Variants in SMAD3 observed in about 807,000 individuals in gnomAD.
The protein encoded by SMAD3 is SMAD family member 3.
SMAD3 carries 12 observed loss-of-function variants against 51.8 expected under a neutral mutation model. The observed-to-expected ratio is 0.23, with a 90% CI of 0.15 to 0.38. The LOEUF is 0.38. Ranked by LOEUF, SMAD3 falls within the 10% of genes least tolerant of loss-of-function variation. The probability of loss-of-function intolerance (pLI) is 1.00; values close to 1 mark genes in which losing one functional copy is unlikely to be tolerated. For missense variants in SMAD3, 294 were observed against 565.6 expected (o/e 0.52, Z 4.87); for synonymous variants, 238 against 227.7 (o/e 1.05, Z -0.41).
chr15:67,175,669 G>A (rs760623137), intron 5 of SMAD3, among the ~76,000 whole-genome samples: 1 of 152,166 alleles, frequency 6.6e-6, no homozygotes, highest in Non-Finnish European at 1.5e-5. Flanking sequence ...CGTGAGTCAG[G>A]GTTAGGATTC....
chr15:67,183,031 A>ATTTTTTTTTTTTTT (rs57749736), intron 6 of SMAD3, among the ~76,000 whole-genome samples: 12 of 29,702 alleles, frequency 4.0e-4, no homozygotes, highest in African/African-American at 1.8e-3. Context: ...ATATATATAT[A>ATTTTTTTTTTTTTT]TTTTTTTTTT....
intron 1 of SMAD3, among the ~76,000 whole-genome samples, chr15:67,157,210 C>T (rs952806597): frequency 6.6e-6 from 1 of 152,378 alleles, no homozygotes; most frequent in Non-Finnish European, 1.5e-5. Context: ...TAGGTTTCAA[C>T]TGAAGTGTGA....
chr15:67,129,452 G>T (rs2140251118), intron 1 of SMAD3, among the ~76,000 whole-genome samples: 1 of 152,034 alleles, frequency 6.6e-6, no homozygotes, highest in African/African-American at 2.4e-5. Context: ...TAACTTTTAT[G>T]ATAGTATATT....
intron 1 of SMAD3, among the ~76,000 whole-genome samples, chr15:67,104,416 C>T (rs1001614075): frequency 6.6e-6 from 1 of 152,204 alleles, no homozygotes; most frequent in African/African-American, 2.4e-5. Context: ...AAGGGCCTGC[C>T]CTCAGGCTGT....
chr15:67,092,126 G>A (rs1281846251), intron 1 of SMAD3, among the ~76,000 whole-genome samples: 1 of 152,158 alleles, frequency 6.6e-6, no homozygotes, highest in Non-Finnish European at 1.5e-5. Context: ...TGCTGTGAGA[G>A]CCTCCTATTA....
rs1963415170 is a variant in SMAD3 at position 67,193,391 on chromosome 15, C to A, written c.*2855C>A. The A allele has an allele frequency of 4.3e-6, 1 of 233,578 alleles. No homozygotes were observed. Among genetic ancestry groups the A allele is most frequent in the Non-Finnish European group, 8.5e-6 (1 of 118,064 alleles). 14.5% of individuals were successfully genotyped at this position (233,578 alleles called of 1,614,324 possible). On this transcript the variant is annotated 3_prime_UTR_variant, in exon 9 of 9. Transcript: ENST00000327367. The stretch of plus-strand genomic sequence containing the variant: ...GCACTGGGACACAGATCCTTGTCTT[C>A]AGCACCTTCCAAGGAGCCAACTTTT...
intron 5 of SMAD3, among the ~76,000 whole-genome samples, chr15:67,171,881 T>C (rs143847739): frequency 3.4e-4 from 52 of 152,304 alleles, no homozygotes; most frequent in Non-Finnish European, 7.2e-4. Context: ...ACTTGAGAAA[T>C]TAAAGGCCAT....
intron 1 of SMAD3, among the ~76,000 whole-genome samples, chr15:67,102,945 T>G (rs892105773): frequency 2.6e-5 from 4 of 152,200 alleles, no homozygotes; most frequent in African/African-American, 9.7e-5. Flanking sequence ...CCTAGACTCC[T>G]CTGTACCTTT....
chr15:67,137,918 C>A, intron 1 of SMAD3: 1 of 749,096 alleles, frequency 1.3e-6, no homozygotes, highest in Admixed American at 2.1e-5. Context: ...CTTCTGTTAG[C>A]GACAGAGAAA....
At chr15:67,182,909 A>G (rs972384598) in intron 6 of SMAD3, among the ~76,000 whole-genome samples, 9 of 147,130 alleles carry the variant, frequency 6.1e-5, no homozygotes, top group Admixed American at 1.4e-4. Context: ...GGCTCAAGCT[A>G]TCCTCCCATC....
intron 1 of SMAD3, among the ~76,000 whole-genome samples, chr15:67,122,130 C>T (rs537856331): frequency 6.6e-6 from 1 of 152,292 alleles, no homozygotes; most frequent in African/African-American, 2.4e-5. Flanking sequence ...GGACATATGT[C>T]CCCATTTTGT....
At chr15:67,148,777 C>T (rs776755653) in intron 1 of SMAD3, among the ~76,000 whole-genome samples, 10 of 152,234 alleles carry the variant, frequency 6.6e-5, no homozygotes, top group Admixed American at 3.9e-4. Flanking sequence ...TTATTTCCTA[C>T]GTCTTCTGAA....
At chr15:67,174,106 A>T (rs1463984992) in intron 5 of SMAD3, among the ~76,000 whole-genome samples, 1 of 152,174 alleles carries the variant, frequency 6.6e-6, no homozygotes, top group Non-Finnish European at 1.5e-5. Flanking sequence ...TGGTTGAATG[A>T]GTGTGGAAAG....
intron 1 of SMAD3, among the ~76,000 whole-genome samples, chr15:67,093,399 G>A (rs1960549537): frequency 6.6e-6 from 1 of 152,188 alleles, no homozygotes; most frequent in Non-Finnish European, 1.5e-5. Context: ...TCATTCCACT[G>A]CCAGTGCAGG....
In SMAD3 at chr15:67,175,084, C is replaced by T. The variant is rs879379381; in HGVS notation, c.658+4480C>T. On this transcript the variant is annotated intron_variant, in intron 5 of 8. Transcript: ENST00000327367. ...GGTGAGTCACCGGGAATTTCCTAGG[C>T]ATTTAAGGCGGAAGGATTGGGGTAA... Among the ~76,000 whole-genome samples the T allele has an allele frequency of 3.9e-5, 6 of 152,264 alleles. No homozygotes were observed. In the East Asian group the frequency reaches 1.2e-3, roughly 29 times the overall value.
chr15:67,133,292 A>G (rs542559980), intron 1 of SMAD3, among the ~76,000 whole-genome samples: 2 of 152,180 alleles, frequency 1.3e-5, no homozygotes, highest in South Asian at 4.2e-4. Flanking sequence ...CCAGAGGAAA[A>G]CCATGTCCCA....
intron 1 of SMAD3, chr15:67,098,514 C>CAGGGG: frequency 3.4e-6 from 1 of 297,744 alleles, no homozygotes; most frequent in Non-Finnish European, 6.4e-6. Context: ...CTCAACATAG[C>CAGGGG]AGGGGTTTCT....
intron 1 of SMAD3, among the ~76,000 whole-genome samples, chr15:67,155,089 A>G (rs1321263207): frequency 1.3e-5 from 2 of 152,250 alleles, no homozygotes; most frequent in African/African-American, 4.8e-5. Flanking sequence ...CCTCAACCCC[A>G]AAATGAAGGG....
rs778345732 is a variant in SMAD3, at chr15:67,181,450, A to G, written c.868A>G (p.Ile290Val). 1.2e-6 allele frequency: 2 copies of G among 1,611,468 alleles called. No individual in the cohort carries two copies. The highest frequency in any genetic ancestry group is 1.7e-6 in the Non-Finnish European group (2 of 1,179,126). Residue 290 changes from isoleucine to valine, a missense_variant, in exon 6 of 9, where the codon ATC becomes GTC. Transcript: ENST00000327367. ...AGCAGTGGAGCTGACACGGAGACACATCGGTATGGGGTGGCTCCATTCCCC... is the reference window on the plus strand; with the variant it reads ...AGCAGTGGAGCTGACACGGAGACACGTCGGTATGGGGTGGCTCCATTCCCC... ...NAAVELTRRH[I>V]GRGVRLYYIG... is the part of the protein sequence containing the mutation.
Sources: gnomAD v4.1 joint callset for allele counts (sites outside exome capture counted in the v4.1 genomes callset) on GRCh38, gnomAD v4.1.1 for gene constraint, MANE v1.5 for transcripts, NCBI Gene and HGNC (gene_info 2026-07-23, HGNC 2026-07-21) for gene names.